Variants in MTUS2 observed in about 807,000 individuals in gnomAD.
MTUS2 encodes the protein microtubule associated scaffold protein 2, also known as microtubule-associated tumor suppressor candidate 2.
MTUS2 carries 40 observed loss-of-function variants against 114.1 expected under a neutral mutation model. That is an observed-to-expected ratio of 0.35 (90% CI 0.27 to 0.46). The LOEUF (loss-of-function observed/expected upper bound fraction) is 0.46. Ranked by LOEUF, MTUS2 falls within the 20% of genes least tolerant of loss-of-function variation. The pLI is 1.00. For synonymous variants in MTUS2, 688 were observed against 672.0 expected, an observed-to-expected ratio of 1.02 and a Z score of -0.37; for missense variants, 1,679 against 1,705.4, an observed-to-expected ratio of 0.98 and a Z score of 0.27.
intron 4 of MTUS2, among the ~76,000 whole-genome samples, chr13:29,047,752 C>T (rs1372637663): frequency 5.9e-5 from 9 of 152,132 alleles, no homozygotes; most frequent in South Asian, 4.1e-4. Flanking sequence ...TGACGTGATG[C>T]GCCCACCTTG....
rs113394955 is a variant in MTUS2, at chr13:28,920,321, A to G, written c.-243+80471A>G. Among the ~76,000 whole-genome samples the G allele has an allele frequency of 1.8e-3, 272 of 152,348 alleles. 2 individuals are homozygous for G. The highest frequency in any genetic ancestry group is 6.3e-3 in the African/African-American group (261 of 41,570). ...CACTGTGGTTCTTGCAGACACATAG[A>G]GGTGCTGCCTTGGTGGTCTTTGATA... On this transcript the variant is annotated intron_variant, in intron 2 of 15. Transcript: ENST00000612955.
chr13:29,466,832 G>GCA (rs1381493463), intron 9 of MTUS2, among the ~76,000 whole-genome samples: 1 of 137,106 alleles, frequency 7.3e-6, no homozygotes, highest in Non-Finnish European at 1.5e-5. Context: ...AGTTGAGATT[G>GCA]CACCACTGTA....
At chr13:28,998,937 C>T (rs1479949568) in intron 2 of MTUS2, among the ~76,000 whole-genome samples, 2 of 152,168 alleles carry the variant, frequency 1.3e-5, no homozygotes, top group African/African-American at 4.8e-5. Context: ...TGGTGAGGAG[C>T]TGCGTTCCTT....
rs78272017 is a variant in MTUS2 at position 29,316,342 on chromosome 13, G to A, written c.2807-8271G>A. The stretch of plus-strand genomic sequence containing the variant: ...GATGGAGATTTTTTTACCAAAGGAA[G>A]AAGGAGTTCCACATAGTATGGAGGA... On this transcript the variant is annotated intron_variant, in intron 6 of 15. Coordinates refer to ENST00000612955, the MANE Select transcript of MTUS2 (RefSeq NM_001033602.4). Among the ~76,000 whole-genome samples, 1,411 of 152,250 alleles carry A rather than the reference G, an allele frequency of 9.3e-3. 28 individuals are homozygous for A. Among genetic ancestry groups the A allele is most frequent in the African/African-American group, 0.033 (1,362 of 41,532 alleles).
chr13:29,037,689 T>C (rs940954419), intron 4 of MTUS2, among the ~76,000 whole-genome samples: 1 of 152,360 alleles, frequency 6.6e-6, no homozygotes, highest in African/African-American at 2.4e-5. Context: ...GTCCCATATT[T>C]CTTGGAGGCT....
chr13:28,897,308 TCAC>T (rs1238844533), intron 2 of MTUS2, among the ~76,000 whole-genome samples: 1 of 152,156 alleles, frequency 6.6e-6, no homozygotes, highest in Non-Finnish European at 1.5e-5. Context: ...ATGCTCATCA[TCAC>T]TGGCCATCAG....
intron 2 of MTUS2, among the ~76,000 whole-genome samples, chr13:28,923,770 G>A (rs1436973882): frequency 6.6e-6 from 1 of 152,170 alleles, no homozygotes; most frequent in Non-Finnish European, 1.5e-5. Context: ...CTTGTGATGA[G>A]CTCACCTTGC....
At chr13:29,091,077 ACCT>A (rs1338058478) in intron 4 of MTUS2, among the ~76,000 whole-genome samples, 1 of 149,944 alleles carries the variant, frequency 6.7e-6, no homozygotes, top group Non-Finnish European at 1.5e-5. Flanking sequence ...CAGGGTTCCA[ACCT>A]CCTCCTCATC....
chr13:29,127,640 T>C (rs1173365575), intron 5 of MTUS2, among the ~76,000 whole-genome samples: 3 of 152,242 alleles, frequency 2.0e-5, no homozygotes, highest in African/African-American at 7.2e-5. Flanking sequence ...TTTTGAAATC[T>C]CTGTGCATGT....
chr13:28,877,393 A>C (rs1878012713), intron 2 of MTUS2, among the ~76,000 whole-genome samples: 1 of 152,128 alleles, frequency 6.6e-6, no homozygotes, highest in African/African-American at 2.4e-5. Flanking sequence ...ATTATTAAAA[A>C]TAATTTATAA....
intron 2 of MTUS2, among the ~76,000 whole-genome samples, chr13:28,915,345 A>G (rs1418907609): frequency 6.6e-6 from 1 of 151,880 alleles, no homozygotes; most frequent in Non-Finnish European, 1.5e-5. Context: ...TGGTAGCTCT[A>G]TTTTTAGTTT....
intron 9 of MTUS2, among the ~76,000 whole-genome samples, chr13:29,454,830 G>C (rs1878985870): frequency 6.6e-6 from 1 of 152,184 alleles, no homozygotes; most frequent in Non-Finnish European, 1.5e-5. Context: ...GGAGGAGAGG[G>C]AATCCTATTA....
chr13:29,414,875 A>G (rs573815897), intron 8 of MTUS2, among the ~76,000 whole-genome samples: 1 of 151,840 alleles, frequency 6.6e-6, no homozygotes, highest in East Asian at 1.9e-4. Context: ...TTAACTAGGT[A>G]TTTAAGTCAT....
intron 2 of MTUS2, among the ~76,000 whole-genome samples, chr13:28,895,234 C>T (rs1027556652): frequency 8.5e-5 from 13 of 152,132 alleles, no homozygotes; most frequent in African/African-American, 3.1e-4. Flanking sequence ...GTTTCATGGG[C>T]CTCTGAGACA....
intron 2 of MTUS2, among the ~76,000 whole-genome samples, chr13:29,017,558 A>T (rs1392288167): frequency 6.6e-6 from 1 of 152,236 alleles, no homozygotes; most frequent in Non-Finnish European, 1.5e-5. Flanking sequence ...GTAAAGTATT[A>T]TGACAAATAC....
chr13:29,388,990 G>T (rs1181871239), intron 8 of MTUS2, among the ~76,000 whole-genome samples: 2 of 151,738 alleles, frequency 1.3e-5, no homozygotes, highest in Non-Finnish European at 2.9e-5. Flanking sequence ...GCCATTATAT[G>T]GGCCCACCCA....
chr13:29,183,849 C>G (rs2139168372), intron 5 of MTUS2, among the ~76,000 whole-genome samples: 1 of 152,190 alleles, frequency 6.6e-6, no homozygotes, highest in Middle Eastern at 3.4e-3. Flanking sequence ...TATTATCTTA[C>G]TCATAATTTT....
At position 29,492,021 on chromosome 13, in the gene MTUS2, G is replaced by GGGGT. The variant is rs1555286283; in HGVS notation, c.3506-624_3506-623insGGTG. 1.0e-4 allele frequency among the ~76,000 whole-genome samples: 14 copies of GGGGT among 138,058 alleles called. No homozygotes were observed. The East Asian group carries it at 2.7e-3, about 26-fold the overall frequency. 90.6% of individuals were successfully genotyped at this position (138,058 alleles called of 152,430 possible). ...GGTGTGTATGTGAATGTGTGTGGTA[G>GGGGT]GTGTGTGTGTAGTGTGTGTGTATGT... On this transcript the variant is annotated intron_variant, in intron 11 of 15. Transcript: ENST00000612955.
intron 5 of MTUS2, among the ~76,000 whole-genome samples, chr13:29,177,538 A>G (rs530448969): frequency 6.9e-6 from 1 of 144,966 alleles, no homozygotes; most frequent in East Asian, 1.9e-4. Flanking sequence ...CTTTTTCACC[A>G]GGCCTGGAAC....
Sources: allele counts gnomAD v4.1 joint callset (sites outside exome capture counted in the v4.1 genomes callset), GRCh38; gene constraint gnomAD v4.1.1; transcripts MANE v1.5; gene names NCBI Gene and HGNC (gene_info 2026-07-23, HGNC 2026-07-21).